Variants in SLC6A17 observed in about 807,000 individuals in gnomAD.
SLC6A17 encodes sodium-dependent neutral amino acid transporter SLC6A17.
A neutral mutation model predicts 64.5 loss-of-function variants in SLC6A17; 21 were observed. That is an observed-to-expected ratio of 0.33 (90% CI 0.23 to 0.47). The LOEUF (loss-of-function observed/expected upper bound fraction) is 0.47, where lower values mean the gene tolerates loss of function less well. Among genes scored for constraint, SLC6A17 ranks in the 20% least tolerant of loss-of-function variants. The probability of loss-of-function intolerance (pLI) is 1.00; values close to 1 mark genes in which losing one functional copy is unlikely to be tolerated. For missense variants in SLC6A17, 682 were observed against 963.2 expected, an observed-to-expected ratio of 0.71 and a Z score of 3.86; for synonymous variants, 372 against 399.5, an observed-to-expected ratio of 0.93 and a Z score of 0.82.
At chr1:110,184,540 A>G (rs1160026241) in intron 6 of SLC6A17, among the ~76,000 whole-genome samples, 2 of 152,224 alleles carry the variant, frequency 1.3e-5, no homozygotes, top group East Asian at 3.8e-4. Context: ...CACTGTGCAG[A>G]TGGGAAAACT....
chr1:110,198,105 C>T lies in SLC6A17; in HGVS notation c.1845C>T (p.Asn615=). The change falls in exon 12 of 12, where the codon AAC becomes AAT. Residue 615 remains asparagine (N), a synonymous_variant. Coordinates refer to ENST00000331565, the MANE Select transcript of SLC6A17 (RefSeq NM_001010898.4). ...EAAERYLYFP[N]WAMALLITLI... is the part of the protein sequence containing the mutation. ...CCGAGCGCTACCTGTATTTCCCCAACTGGGCCATGGCACTCCTGATCACCC... is the reference window on the plus strand; with the variant it reads ...CCGAGCGCTACCTGTATTTCCCCAATTGGGCCATGGCACTCCTGATCACCC... 1 of 1,613,680 alleles carries T rather than the reference C, an allele frequency of 6.2e-7. No individual in the cohort carries two copies. The highest frequency in any genetic ancestry group is 8.5e-7 in the Non-Finnish European group (1 of 1,179,856).
intron 1 of SLC6A17, among the ~76,000 whole-genome samples, chr1:110,161,855 T>C (rs1469265273): frequency 1.3e-5 from 2 of 152,164 alleles, no homozygotes; most frequent in Non-Finnish European, 2.9e-5. Flanking sequence ...ACCTTGAGCT[T>C]ATTGCCGGAT....
Position 110,192,181 on chromosome 1 carries a change from G to A in SLC6A17, c.1074G>A (p.Lys358=). The change falls in exon 7 of 12, where the codon AAG becomes AAA. Residue 358 remains lysine, a synonymous_variant. Transcript: ENST00000331565. This position sits in a 1 kb window ranked among gnomAD's most constrained non-coding sequence, Gnocchi z 4.3. Reference sequence around the variant, plus strand: ...TGGTGTTTGCTGTGCTGGGCTTCAAGGCCAACATCATGAATGAGAAGTGTG... The same window carrying A: ...TGGTGTTTGCTGTGCTGGGCTTCAAAGCCAACATCATGAATGAGAAGTGTG... ...TLVVFAVLGF[K]ANIMNEKCVV... is the part of the protein sequence containing the mutation. The A allele has an allele frequency of 6.2e-7, 1 of 1,613,750 alleles. No homozygotes were observed. The highest frequency in any genetic ancestry group is 8.5e-7 in the Non-Finnish European group (1 of 1,179,674).
intron 3 of SLC6A17, 48 bp from the exon 4 acceptor site, chr1:110,173,925 G>A (rs372028941): frequency 1.3e-6 from 2 of 1,591,362 alleles, no homozygotes; most frequent in Non-Finnish European, 1.7e-6. Flanking sequence ...TGGGGGCAGG[G>A]TGGAGTTGCC....
At chr1:110,194,053 T>A (rs1052828552) in intron 8 of SLC6A17, among the ~76,000 whole-genome samples, 1 of 151,656 alleles carries the variant, frequency 6.6e-6, no homozygotes, top group Non-Finnish European at 1.5e-5. Context: ...TTGTTTGTTT[T>A]AAAAAAAAAC....
At chr1:110,167,663 A>C (rs1656105404) in intron 2 of SLC6A17, among the ~76,000 whole-genome samples, 1 of 152,216 alleles carries the variant, frequency 6.6e-6, no homozygotes, top group South Asian at 2.1e-4. Context: ...CACTGTTCTA[A>C]GGGCTTAATG....
At chr1:110,153,096 C>T (rs1420325665) in intron 1 of SLC6A17, among the ~76,000 whole-genome samples, 1 of 152,140 alleles carries the variant, frequency 6.6e-6, no homozygotes, top group Non-Finnish European at 1.5e-5. Flanking sequence ...CTGCTGGCTG[C>T]CCTTGGCCAC....
chr1:110,171,968 T>A, intron 2 of SLC6A17, 92 bp from the exon 3 acceptor site: 3 of 1,501,564 alleles, frequency 2.0e-6, no homozygotes, highest in Non-Finnish European at 2.7e-6. Flanking sequence ...ACCAGAGATG[T>A]GGCTGAGACT....
intron 4 of SLC6A17, among the ~76,000 whole-genome samples, chr1:110,174,346 C>G (rs1000293114): frequency 6.6e-6 from 1 of 152,184 alleles, no homozygotes; most frequent in South Asian, 2.1e-4. Flanking sequence ...TGTTATTACT[C>G]ACCCTGTTAT....
intron 6 of SLC6A17, among the ~76,000 whole-genome samples, chr1:110,183,398 A>T (rs1401022638): frequency 6.6e-6 from 1 of 152,234 alleles, no homozygotes; most frequent in South Asian, 2.1e-4. Flanking sequence ...GTCCAATGAT[A>T]TGAAATGTCC....
chr1:110,193,126 A>G (rs1656874900), intron 8 of SLC6A17, among the ~76,000 whole-genome samples: 1 of 152,202 alleles, frequency 6.6e-6, no homozygotes, highest in Non-Finnish European at 1.5e-5. Context: ...TTGAGTATTC[A>G]TATTGTTCCC....
intron 6 of SLC6A17, among the ~76,000 whole-genome samples, chr1:110,177,371 T>A (rs954818721): frequency 6.6e-6 from 1 of 152,162 alleles, no homozygotes; most frequent in Admixed American, 6.5e-5. Flanking sequence ...GGATCACTGT[T>A]CACATTTCAC....
In SLC6A17 at chr1:110,192,283, G is replaced by A; in HGVS notation, c.1106+70G>A. ...TTACCTGGGAGTGGGCAGGGGTGGGGGCGCAGGTGTGCATGGGGAGAGAGG... is the reference window on the plus strand; with the variant it reads ...TTACCTGGGAGTGGGCAGGGGTGGGAGCGCAGGTGTGCATGGGGAGAGAGG... On this transcript the variant is annotated intron_variant, in intron 7 of 11. Transcript: ENST00000331565. This position sits in a 1 kb window ranked among gnomAD's most constrained non-coding sequence, Gnocchi z 4.3. 1 of 1,560,940 alleles carries A rather than the reference G, an allele frequency of 6.4e-7. No homozygotes were observed. Among genetic ancestry groups the A allele is most frequent in the Non-Finnish European group, 8.7e-7 (1 of 1,150,272 alleles).
chr1:110,161,931 C>T (rs1388423859), intron 1 of SLC6A17, among the ~76,000 whole-genome samples: 1 of 152,242 alleles, frequency 6.6e-6, no homozygotes, highest in Non-Finnish European at 1.5e-5. Context: ...ACCTGTCTGC[C>T]TCCCAGTCAC....
chr1:110,192,608 G>A lies in SLC6A17; in HGVS notation c.1209G>A (p.Met403Ile), dbSNP rs748390463. 1.2e-6 allele frequency: 2 copies of A among 1,614,174 alleles called. No homozygotes were observed. Among genetic ancestry groups the A allele is most frequent in the Admixed American group, 3.3e-5 (2 of 60,026 alleles). Reference protein sequence around the residue: ...NFSHLTTKDYMEMYNVIMTVK... With the variant: ...NFSHLTTKDYIEMYNVIMTVK... ...CCCACCTGACCACAAAGGACTACAT[G>A]GAGATGTACAATGTCATCATGACCG... Residue 403 changes from methionine to isoleucine, a missense_variant, in exon 8 of 12, where the codon ATG becomes ATA. By Grantham distance (10) the Met-to-Ile change is conservative. This residue lies in a region of SLC6A17 where 415 missense variants were observed against 603.8 expected (regional missense o/e 0.69). Transcript: ENST00000331565. The surrounding 1 kb of genome is among the most constrained non-coding windows in gnomAD (Gnocchi z 4.3).
At chr1:110,179,796 G>A (rs997743424) in intron 6 of SLC6A17, among the ~76,000 whole-genome samples, 1 of 151,866 alleles carries the variant, frequency 6.6e-6, no homozygotes, top group South Asian at 2.1e-4. Flanking sequence ...CAGATGATCC[G>A]CCCGCCTTGG....
Position 110,174,059 on chromosome 1 carries a change from C to G in SLC6A17, c.531C>G (p.Pro177=), listed in dbSNP as rs1268632183. The G allele has an allele frequency of 6.2e-7, 1 of 1,614,196 alleles. No individual in the cohort carries two copies. Among genetic ancestry groups the G allele is most frequent in the South Asian group, 1.1e-5 (1 of 91,076 alleles). ...TCAAGTCCTTCCAGTACCCGCTGCC[C>G]TGGAGTGAATGTCCTGTCGTCAGGA... ...YFFKSFQYPL[P]WSECPVVRNG... is the part of the protein sequence containing the mutation. The change falls in exon 4 of 12, where the codon CCC becomes CCG. Residue 177 remains proline (P), a synonymous_variant. Coordinates refer to ENST00000331565, the MANE Select transcript of SLC6A17 (RefSeq NM_001010898.4).
intron 1 of SLC6A17, among the ~76,000 whole-genome samples, chr1:110,165,276 G>A (rs945337771): frequency 6.6e-6 from 1 of 152,170 alleles, no homozygotes; most frequent in Non-Finnish European, 1.5e-5. Flanking sequence ...GGGAGGCCCA[G>A]GGCTGAAAGT....
intron 1 of SLC6A17, among the ~76,000 whole-genome samples, chr1:110,163,424 A>G (rs1351813431): frequency 6.6e-6 from 1 of 152,162 alleles, no homozygotes; most frequent in Non-Finnish European, 1.5e-5. Flanking sequence ...AAGGTAAACA[A>G]TGCAAGGCTT....
Sources: allele counts gnomAD v4.1 joint callset (sites outside exome capture counted in the v4.1 genomes callset), GRCh38; gene constraint gnomAD v4.1.1; regional missense constraint gnomAD v4.1.1; non-coding constraint Gnocchi (gnomAD v3.1); transcripts MANE v1.5; gene names NCBI Gene and HGNC (gene_info 2026-07-23, HGNC 2026-07-21).